The following KLF7 variants were observed in gnomAD, a reference collection of about 807,000 sequenced individuals.
KLF7 encodes the protein KLF transcription factor 7, also known as Krueppel-like factor 7.
In KLF7, 2 loss-of-function variants were observed where a neutral mutation model predicts 27.3. The ratio of observed to expected loss-of-function variants is 0.07; its 90% CI spans 0.03 to 0.23. The LOEUF is 0.23. Among genes scored for constraint, KLF7 ranks in the 10% least tolerant of loss-of-function variants. The pLI, the probability that KLF7 is intolerant of heterozygous loss-of-function variation, is 1.00. For synonymous variants in KLF7, 165 were observed against 162.4 expected (o/e 1.02, Z -0.12); for missense variants, 221 against 394.1 (o/e 0.56, Z 3.72).
intron 1 of KLF7, among the ~76,000 whole-genome samples, chr2:207,141,941 A>G (rs2077953948): frequency 6.6e-6 from 1 of 152,068 alleles, no homozygotes; most frequent in African/African-American, 2.4e-5. Flanking sequence ...GATGAGCTGC[A>G]CTTTCATTCG....
upstream of KLF7, chr2:207,166,169 GT>G (rs2078702195): frequency 9.1e-6 from 9 of 985,830 alleles, no homozygotes; most frequent in Non-Finnish European, 9.6e-6. Context: ...CGAGGAGGGC[GT>G]CCATTAGGCC....
chr2:207,134,118 C>A (rs1217677606), intron 1 of KLF7: 1 of 1,532,602 alleles, frequency 6.5e-7, no homozygotes, highest in Non-Finnish European at 8.7e-7. Context: ...CCTTCCTCTC[C>A]CAAATCACTT....
intron 2 of KLF7, among the ~76,000 whole-genome samples, chr2:207,108,622 T>C (rs988515129): frequency 6.6e-6 from 1 of 152,214 alleles, no homozygotes; most frequent in Admixed American, 6.5e-5. Context: ...TTTGGCAGAA[T>C]GCTAGAAAGC....
chr2:207,152,103 T>TTA (rs2078262742), intron 1 of KLF7, among the ~76,000 whole-genome samples: 1 of 152,202 alleles, frequency 6.6e-6, no homozygotes, highest in Non-Finnish European at 1.5e-5. Flanking sequence ...AAGTACTTTA[T>TTA]TATAATACCC....
intron 2 of KLF7, among the ~76,000 whole-genome samples, chr2:207,101,674 C>T (rs2076768734): frequency 6.6e-6 from 1 of 152,170 alleles, no homozygotes; most frequent in Non-Finnish European, 1.5e-5. Flanking sequence ...CCAGACCCCA[C>T]ATCTGTGCAT....
At chr2:207,150,545 C>G (rs995825959) in intron 1 of KLF7, among the ~76,000 whole-genome samples, 10 of 152,236 alleles carry the variant, frequency 6.6e-5, no homozygotes, top group Admixed American at 6.5e-5. Flanking sequence ...CAGCATGTAA[C>G]AGTTTACAAA....
At chr2:207,160,210 G>T (rs539853055) in intron 1 of KLF7, among the ~76,000 whole-genome samples, 12 of 152,150 alleles carry the variant, frequency 7.9e-5, no homozygotes, top group East Asian at 3.9e-4. Context: ...GGCATTTTGG[G>T]GTTAAAACAT....
chr2:207,133,181 G>GT (rs2077685276), intron 1 of KLF7, among the ~76,000 whole-genome samples: 1 of 152,162 alleles, frequency 6.6e-6, no homozygotes, highest in African/African-American at 2.4e-5. Context: ...CCCTATTCAG[G>GT]TTGGCACTCA....
chr2:207,153,187 A>T (rs751312271), intron 1 of KLF7, among the ~76,000 whole-genome samples: 1 of 152,196 alleles, frequency 6.6e-6, no homozygotes, highest in Non-Finnish European at 1.5e-5. Context: ...ATGTTAAACA[A>T]CAGCAAAAAT....
chr2:207,099,443 A>G (rs1207308419), intron 2 of KLF7, among the ~76,000 whole-genome samples: 2 of 151,568 alleles, frequency 1.3e-5, no homozygotes, highest in East Asian at 1.9e-4. Context: ...TGTCTAATTT[A>G]CTTTCCTGGA....
chr2:207,130,064 G>A (rs1375769391), intron 1 of KLF7, among the ~76,000 whole-genome samples: 1 of 152,144 alleles, frequency 6.6e-6, no homozygotes, highest in African/African-American at 2.4e-5. Flanking sequence ...CCAATTACGT[G>A]GAACTTGCCA....
intron 1 of KLF7, among the ~76,000 whole-genome samples, chr2:207,145,331 G>A (rs2078070126): frequency 6.6e-6 from 1 of 152,170 alleles, no homozygotes; most frequent in Non-Finnish European, 1.5e-5. Context: ...TAAGAAAGAA[G>A]TTGAGAGTTT....
chr2:207,106,807 C>T (rs149408013), intron 2 of KLF7, among the ~76,000 whole-genome samples: 1,661 of 152,248 alleles, frequency 0.011, 16 homozygotes, highest in Middle Eastern at 0.02. Flanking sequence ...AGGCTGAAAG[C>T]ACAGAGAGTG....
At chr2:207,096,987 C>T (rs534740704) in intron 2 of KLF7, among the ~76,000 whole-genome samples, 182 of 152,226 alleles carry the variant, frequency 1.2e-3, no homozygotes, top group Non-Finnish European at 2.1e-3. Flanking sequence ...GTTAGTGAAC[C>T]CCACCCTGAG....
At chr2:207,157,659 C>A (rs939429039) in intron 1 of KLF7, among the ~76,000 whole-genome samples, 4 of 152,138 alleles carry the variant, frequency 2.6e-5, no homozygotes, top group Admixed American at 2.0e-4. Flanking sequence ...AAAGGCAAGT[C>A]CAGGGAGGTG....
intron 2 of KLF7, among the ~76,000 whole-genome samples, chr2:207,118,723 G>A (rs2077256680): frequency 6.6e-6 from 1 of 152,166 alleles, no homozygotes; most frequent in South Asian, 2.1e-4. Context: ...AGGATTAAAA[G>A]GGTTAATATT....
chr2:207,082,546 T>G (rs2076297729), intron 3 of KLF7, among the ~76,000 whole-genome samples: 1 of 152,206 alleles, frequency 6.6e-6, no homozygotes, highest in Admixed American at 6.5e-5. Flanking sequence ...CCTGACAGTA[T>G]GGGTGTTTCC....
intron 1 of KLF7, among the ~76,000 whole-genome samples, chr2:207,151,474 T>C (rs2078246565): frequency 6.6e-6 from 1 of 152,004 alleles, no homozygotes; most frequent in Non-Finnish European, 1.5e-5. Flanking sequence ...TCTATAAATA[T>C]GGGGCATAAA....
intron 1 of KLF7, among the ~76,000 whole-genome samples, chr2:207,158,438 T>G (rs116894550): frequency 6.6e-6 from 1 of 152,192 alleles, no homozygotes. Context: ...AACTGGTACA[T>G]GGGTTGCTGG....
Sources: allele counts gnomAD v4.1 joint callset (sites outside exome capture counted in the v4.1 genomes callset), GRCh38; gene constraint gnomAD v4.1.1; transcripts MANE v1.5; gene names NCBI Gene and HGNC (gene_info 2026-07-23, HGNC 2026-07-21).